The following HSPA4 variants were observed in gnomAD, a reference collection of about 807,000 sequenced individuals.
The protein encoded by HSPA4 is heat shock protein family A (Hsp70) member 4.
HSPA4 carries 25 observed loss-of-function variants against 106.2 expected under a neutral mutation model. The observed-to-expected ratio is 0.24, with a 90% CI of 0.17 to 0.33. HSPA4 has a LOEUF of 0.33. Ranked by LOEUF, HSPA4 falls within the 10% of genes least tolerant of loss-of-function variation. The pLI, the probability that HSPA4 is intolerant of heterozygous loss-of-function variation, is 1.00. For missense variants in HSPA4, 841 were observed against 996.0 expected, an observed-to-expected ratio of 0.84 and a Z score of 2.10; for synonymous variants, 332 against 333.6, an observed-to-expected ratio of 1.00 and a Z score of 0.05.
intron 1 of HSPA4, among the ~76,000 whole-genome samples, chr5:133,063,040 C>G (rs1765264748): frequency 6.6e-6 from 1 of 152,160 alleles, no homozygotes; most frequent in African/African-American, 2.4e-5. Context: ...TCAGACATCA[C>G]CTAGAGTCCT....
intron 3 of HSPA4, among the ~76,000 whole-genome samples, chr5:133,069,250 T>A (rs62375213): frequency 6.6e-6 from 1 of 151,486 alleles, no homozygotes; most frequent in Admixed American, 6.6e-5. Context: ...GTTACTTATT[T>A]AAAATTTTTT....
chr5:133,103,824 A>T (rs756779073), intron 17 of HSPA4, 41 bp from the exon 18 acceptor site: 5 of 1,564,228 alleles, frequency 3.2e-6, no homozygotes, highest in Non-Finnish European at 4.4e-6. Context: ...GAGGGAGGGT[A>T]TCACACTTTT....
chr5:133,083,441 C>T (rs1467683775), intron 7 of HSPA4, among the ~76,000 whole-genome samples: 1 of 152,210 alleles, frequency 6.6e-6, no homozygotes, highest in Non-Finnish European at 1.5e-5. Context: ...TAAATGTCCT[C>T]ATCCCACCAC....
intron 3 of HSPA4, among the ~76,000 whole-genome samples, chr5:133,069,625 ACAAT>A (rs1263407802): frequency 2.0e-5 from 3 of 152,218 alleles, no homozygotes; most frequent in Non-Finnish European, 4.4e-5. Flanking sequence ...ATGGCAGTGA[ACAAT>A]CAGACAAATG....
chr5:133,100,402 C>CTTT (rs879319527), intron 16 of HSPA4, among the ~76,000 whole-genome samples: 1 of 135,906 alleles, frequency 7.4e-6, no homozygotes, highest in Non-Finnish European at 1.6e-5. Flanking sequence ...AGCATCTGAT[C>CTTT]TTTTTTTTTT....
chr5:133,069,324 A>G (rs1765352544), intron 3 of HSPA4, among the ~76,000 whole-genome samples: 1 of 151,060 alleles, frequency 6.6e-6, no homozygotes, highest in Non-Finnish European at 1.5e-5. Flanking sequence ...ATGTAGGTTT[A>G]CTGCAACCTC....
intron 1 of HSPA4, among the ~76,000 whole-genome samples, chr5:133,055,536 C>A (rs1561574602): frequency 6.6e-6 from 1 of 151,884 alleles, no homozygotes; most frequent in African/African-American, 2.4e-5. Context: ...CCAGAAGAGA[C>A]CCTTGATTTT....
At chr5:133,083,118 G>A (rs1765534650) in intron 7 of HSPA4, among the ~76,000 whole-genome samples, 1 of 146,392 alleles carries the variant, frequency 6.8e-6, no homozygotes, top group Admixed American at 7.0e-5. Flanking sequence ...CTGGATGACA[G>A]AGCGAGACTC....
At chr5:133,086,617 G>A (rs1490259109) in intron 7 of HSPA4, among the ~76,000 whole-genome samples, 165 bp from the exon 8 acceptor site, 2 of 152,170 alleles carry the variant, frequency 1.3e-5, no homozygotes, top group Admixed American at 1.3e-4. Context: ...CCAAGTGGCT[G>A]CACCATTTTC....
intron 7 of HSPA4, among the ~76,000 whole-genome samples, chr5:133,080,956 C>T (rs915247590): frequency 3.3e-5 from 5 of 152,130 alleles, no homozygotes; most frequent in African/African-American, 1.2e-4. Flanking sequence ...TTTTATCACC[C>T]CAAAAAGAAA....
chr5:133,072,045 T>C (rs1220250853), intron 4 of HSPA4, among the ~76,000 whole-genome samples: 1 of 152,162 alleles, frequency 6.6e-6, no homozygotes, highest in Admixed American at 6.5e-5. Context: ...GTAAAATTTA[T>C]GTAAAATATT....
chr5:133,063,291 T>C lies in HSPA4; in HGVS notation c.108-1689T>C, dbSNP rs539937457. 2.7e-5 allele frequency among the ~76,000 whole-genome samples: 4 copies of C among 149,280 alleles called. No homozygotes were observed. In the East Asian group the frequency reaches 7.8e-4, roughly 29 times the overall value. On this transcript the variant is annotated intron_variant, in intron 1 of 18. Coordinates refer to ENST00000304858, the MANE Select transcript of HSPA4 (RefSeq NM_002154.4). ...CCATGCCCAGCTAATTTTTTTGTATTTTTTTTTTATAGAGACAGGGTTTCG... is the reference window on the plus strand; with the variant it reads ...CCATGCCCAGCTAATTTTTTTGTATCTTTTTTTTATAGAGACAGGGTTTCG...
rs7730747 is a variant in HSPA4, at chr5:133,088,277, G to T, written c.986-127G>T. On this transcript the variant is annotated intron_variant, in intron 8 of 18. Coordinates refer to ENST00000304858, the MANE Select transcript of HSPA4 (RefSeq NM_002154.4). ...CCTCTGTGAGTGTGGGCATGAGTAT[G>T]TGTGTGTTGCGGAGGTGGGTGAGGG... 5.8e-5 allele frequency: 38 copies of T among 651,918 alleles called. No individual in the cohort carries two copies. In the African/African-American group the frequency reaches 6.0e-4, roughly 10 times the overall value. 40.4% of individuals were successfully genotyped at this position (651,918 alleles called of 1,614,324 possible).
intron 15 of HSPA4, among the ~76,000 whole-genome samples, chr5:133,098,366 C>T (rs1005720911): frequency 9.2e-5 from 14 of 152,118 alleles, no homozygotes; most frequent in African/African-American, 2.2e-4. Flanking sequence ...GGCTGGAGTG[C>T]GGTGACGCGA....
intron 11 of HSPA4, 112 bp from the exon 12 acceptor site, chr5:133,091,080 CA>C (rs764042891): frequency 1.1e-6 from 1 of 913,520 alleles, no homozygotes; most frequent in Non-Finnish European, 1.8e-6. Context: ...TTTTAAGCAT[CA>C]TGTTACTGAG....
intron 2 of HSPA4, among the ~76,000 whole-genome samples, chr5:133,066,486 T>C (rs1490851590): frequency 6.6e-6 from 1 of 152,204 alleles, no homozygotes; most frequent in Non-Finnish European, 1.5e-5. Context: ...TCAACCATTA[T>C]CCAAAAATCA....
At chr5:133,068,432 G>T (rs896982097) in intron 3 of HSPA4, among the ~76,000 whole-genome samples, 2 of 147,942 alleles carry the variant, frequency 1.4e-5, no homozygotes, top group Non-Finnish European at 1.5e-5. Context: ...GAATCCATGA[G>T]GGGGGGTGGG....
intron 1 of HSPA4, among the ~76,000 whole-genome samples, chr5:133,053,847 A>T (rs374921891): frequency 6.6e-6 from 1 of 151,470 alleles, no homozygotes; most frequent in Admixed American, 6.6e-5. Flanking sequence ...TTTAGTAGAG[A>T]CGGGGTGTTG....
intron 1 of HSPA4, among the ~76,000 whole-genome samples, chr5:133,059,620 C>T (rs1765213128): frequency 6.6e-6 from 1 of 151,902 alleles, no homozygotes; most frequent in South Asian, 2.1e-4. Flanking sequence ...GTCTCAAAAC[C>T]AGAAAAAAAA....
Sources: gnomAD v4.1 joint callset for allele counts (sites outside exome capture counted in the v4.1 genomes callset) on GRCh38, gnomAD v4.1.1 for gene constraint, MANE v1.5 for transcripts, NCBI Gene and HGNC (gene_info 2026-07-23, HGNC 2026-07-21) for gene names.